ZGRF1: variants seen among roughly 807,000 people sequenced by gnomAD.
ZGRF1 encodes zinc finger GRF-type containing 1.
A neutral mutation model predicts 203.5 loss-of-function variants in ZGRF1; 196 were observed. The ratio of observed to expected loss-of-function variants is 0.96; its 90% confidence interval spans 0.86 to 1.08. The LOEUF is 1.08. Ranked by LOEUF, ZGRF1 falls within the 50% of genes least tolerant of loss-of-function variation. ZGRF1 has a pLI of 0.00. For missense variants in ZGRF1, 2,326 were observed against 2,416.3 expected (o/e 0.96, Z 0.78); for synonymous variants, 809 against 841.3 (o/e 0.96, Z 0.66).
chr4:112,633,233 T>A lies in ZGRF1; in HGVS notation c.-57A>T. 7.7e-7 allele frequency: 1 copy of A among 1,300,770 alleles called. No individual in the cohort carries two copies. Among genetic ancestry groups the A allele is most frequent in the Middle Eastern group, 2.0e-4 (1 of 4,938 alleles). 80.6% of individuals were successfully genotyped at this position (1,300,770 alleles called of 1,614,324 possible). ...CCAGAAAATAGGAAATATTCAACTA[T>A]TTATACCACCTAAAATTAAAAATGA... On this transcript the variant is annotated 5_prime_UTR_variant, in exon 2 of 28. Coordinates refer to ENST00000505019, the MANE Select transcript of ZGRF1 (RefSeq NM_018392.5).
At chr4:112,542,333 C>T (rs144847352) in intron 24 of ZGRF1, among the ~76,000 whole-genome samples, 2 of 152,170 alleles carry the variant, frequency 1.3e-5, no homozygotes, top group African/African-American at 4.8e-5. Flanking sequence ...TATATCTGCA[C>T]AACATAATAC....
chr4:112,579,715 G>T lies in ZGRF1; in HGVS notation c.4438+1948C>A. On this transcript the variant is annotated intron_variant, in intron 16 of 27. Transcript: ENST00000505019. The stretch of plus-strand genomic sequence containing the variant: ...AAATACCTAGGAATCCAACTTACAA[G>T]GGACGTGAAGGACCTCTTCAAGGAG... Among the ~76,000 whole-genome samples the T allele has an allele frequency of 1.7e-5, 2 of 120,684 alleles. 1 individual carries two copies. The highest frequency in any genetic ancestry group is 3.7e-5 in the Non-Finnish European group (2 of 54,342). The allele number at this position is 120,684 out of a possible 152,430, so 79.2% of individuals were successfully genotyped here. A position where few individuals can be genotyped will look rare whatever the true frequency, so the allele number is the denominator to read the frequency against.
chr4:112,554,699 T>A lies in ZGRF1; in HGVS notation c.5198+6A>T. The A allele has an allele frequency of 6.8e-7, 1 of 1,472,172 alleles. No homozygotes were observed. The highest frequency in any genetic ancestry group is 9.3e-7 in the Non-Finnish European group (1 of 1,075,238). 91.2% of individuals were successfully genotyped at this position (1,472,172 alleles called of 1,614,324 possible). A position where few individuals can be genotyped will look rare whatever the true frequency, so the allele number is the denominator to read the frequency against. ...TTCTGTGACTTCTGGAATTTTGCAT[T>A]CTTACCTATAAGGTAAAATTGGTTT... is the stretch of plus-strand genomic sequence containing the variant. On this transcript the variant is annotated splice_donor_region_variant and intron_variant, in intron 21 of 27. Coordinates refer to ENST00000505019, the MANE Select transcript of ZGRF1 (RefSeq NM_018392.5).
chr4:112,551,503 A>G (rs997743956), intron 22 of ZGRF1, among the ~76,000 whole-genome samples: 2 of 152,238 alleles, frequency 1.3e-5, no homozygotes, highest in African/African-American at 4.8e-5. Context: ...ATCCTACAAA[A>G]TAAGAAAACA....
chr4:112,608,807 T>G (rs1751148474), intron 8 of ZGRF1, among the ~76,000 whole-genome samples: 1 of 152,134 alleles, frequency 6.6e-6, no homozygotes, highest in Non-Finnish European at 1.5e-5. Context: ...TTTGTTCTGT[T>G]TTAGGCAACA....
intron 10 of ZGRF1, among the ~76,000 whole-genome samples, chr4:112,592,861 C>T (rs537990862): frequency 2.0e-5 from 3 of 152,178 alleles, no homozygotes; most frequent in Non-Finnish European, 4.4e-5. Context: ...GAAGACACAG[C>T]CTTTAGGAGA....
At position 112,618,320 on chromosome 4, in the gene ZGRF1, C is replaced by CT; in HGVS notation, c.1721dup (p.Arg575GlufsTer3). ...CTTCACAGTTTGTATTCTCAGACCT[C>CT]TTTTGAAAACATGAATTGCCATCAT... On this transcript the variant is annotated frameshift_variant, in exon 6 of 28. Coordinates refer to ENST00000505019, the MANE Select transcript of ZGRF1 (RefSeq NM_018392.5). LOFTEE classifies it high-confidence loss of function. 1 of 1,613,906 alleles carries CT rather than the reference C, an allele frequency of 6.2e-7. No homozygotes were observed. The highest frequency in any genetic ancestry group is 8.5e-7 in the Non-Finnish European group (1 of 1,179,926).
At chr4:112,624,490 A>G (rs1317582922) in intron 3 of ZGRF1, among the ~76,000 whole-genome samples, 1 of 152,064 alleles carries the variant, frequency 6.6e-6, no homozygotes, top group Admixed American at 6.6e-5. Context: ...AGAAATTATA[A>G]TTGAAACACA....
intron 22 of ZGRF1, among the ~76,000 whole-genome samples, chr4:112,552,572 C>A (rs1027734596): frequency 1.3e-5 from 2 of 151,996 alleles, no homozygotes; most frequent in Non-Finnish European, 2.9e-5. Context: ...TTGAACACAG[C>A]CAAACTAAGC....
At chr4:112,566,672 C>A (rs1477502779) in intron 16 of ZGRF1, among the ~76,000 whole-genome samples, 1 of 151,924 alleles carries the variant, frequency 6.6e-6, no homozygotes, top group South Asian at 2.1e-4. Flanking sequence ...TGTTGGCTTC[C>A]TTTCTGTGGG....
intron 10 of ZGRF1, among the ~76,000 whole-genome samples, chr4:112,603,215 G>T (rs1560839847): frequency 2.0e-5 from 3 of 151,730 alleles, no homozygotes; most frequent in African/African-American, 7.3e-5. Context: ...AATATCAGAA[G>T]AAAAAAAATC....
Position 112,618,185 on chromosome 4 carries a change from C to T in ZGRF1, c.1857G>A (p.Val619=). ...TTTTACATATTCCCATGTCAAAACCCACATAAGTTTTATCACAAAACTGTG... is the reference window on the plus strand; with the variant it reads ...TTTTACATATTCCCATGTCAAAACCTACATAAGTTTTATCACAAAACTGTG... ...LPSQFCDKTY[V]GFDMGICKTE... is the part of the protein sequence containing the mutation. The change falls in exon 6 of 28, where the codon GTG becomes GTA. Residue 619 remains valine, a synonymous_variant. Transcript: ENST00000505019. 13 of 1,613,686 alleles carry T rather than the reference C, an allele frequency of 8.1e-6. No homozygotes were observed. The highest frequency in any genetic ancestry group is 1.0e-5 in the Non-Finnish European group (12 of 1,179,860).
At chr4:112,615,570 G>C (rs1279944999) in intron 6 of ZGRF1, among the ~76,000 whole-genome samples, 1 of 150,002 alleles carries the variant, frequency 6.7e-6, no homozygotes, top group African/African-American at 2.5e-5. Context: ...CTAGAACTTT[G>C]TATTCTTATA....
At chr4:112,591,799 C>T (rs1748206282) in intron 10 of ZGRF1, among the ~76,000 whole-genome samples, 1 of 152,132 alleles carries the variant, frequency 6.6e-6, no homozygotes, top group Non-Finnish European at 1.5e-5. Context: ...AATAGAACTC[C>T]ACTCCCATGT....
intron 24 of ZGRF1, among the ~76,000 whole-genome samples, chr4:112,543,112 TATTATATCCATGA>T (rs1738022351): frequency 6.6e-6 from 1 of 152,176 alleles, no homozygotes; most frequent in Non-Finnish European, 1.5e-5. Context: ...AAAGAAACAA[TATTATATCCATGA>T]ACTTACCACC....
At chr4:112,583,934 C>T (rs1746704542) in intron 15 of ZGRF1, 44 bp downstream of exon 15, 4 of 1,248,664 alleles carry the variant, frequency 3.2e-6, no homozygotes, top group African/African-American at 1.5e-5. Context: ...GGCTGTTGTT[C>T]TCTTATATAA....
chr4:112,606,251 C>G (rs550884663), intron 8 of ZGRF1, among the ~76,000 whole-genome samples, 160 bp from the exon 9 acceptor site: 6 of 152,364 alleles, frequency 3.9e-5, no homozygotes, highest in Non-Finnish European at 7.3e-5. Flanking sequence ...CAAGCTAGCT[C>G]TCCCTGGCAA....
intron 13 of ZGRF1, among the ~76,000 whole-genome samples, 179 bp from the exon 14 acceptor site, chr4:112,585,904 TAA>T (rs34893186): frequency 8.1e-4 from 109 of 135,026 alleles, no homozygotes; most frequent in Non-Finnish European, 6.5e-4. Flanking sequence ...CACTTCTAGT[TAA>T]AAAAAAAAAA....
At position 112,589,839 on chromosome 4, in the gene ZGRF1, G is replaced by T; in HGVS notation, c.3012C>A (p.Ser1004Arg). 1.2e-6 allele frequency: 2 copies of T among 1,611,546 alleles called. No individual in the cohort carries two copies. The highest frequency in any genetic ancestry group is 1.7e-6 in the Non-Finnish European group (2 of 1,178,980). The change falls in exon 11 of 28, where the codon AGC becomes AGA. Residue 1004 changes from serine (S) to arginine (R), a missense_variant. Coordinates refer to ENST00000505019, the MANE Select transcript of ZGRF1 (RefSeq NM_018392.5). ...TSPEENISTL[S>R]PVSTFSLNSR... ...AGTTCAAAGAAAAGGTAGAAACAGG[G>T]CTCAATGTAGAGATGTTTTCTTCTG...
Sources: allele counts gnomAD v4.1 joint callset (sites outside exome capture counted in the v4.1 genomes callset), GRCh38; gene constraint gnomAD v4.1.1; transcripts MANE v1.5; gene names NCBI Gene and HGNC (gene_info 2026-07-23, HGNC 2026-07-21).